EPHX1: variants seen among roughly 807,000 people sequenced by gnomAD.
EPHX1 encodes epoxide hydratase.
Under a neutral mutation model 43.2 loss-of-function variants are expected in EPHX1, and 40 were observed. The observed-to-expected ratio is 0.93, with a 90% CI of 0.72 to 1.21. EPHX1 has a LOEUF of 1.21. Among genes scored for constraint, EPHX1 ranks in the 50% most tolerant of loss-of-function variants. EPHX1 has a pLI of 0.00. For missense variants in EPHX1, 550 were observed against 570.4 expected (o/e 0.96, Z 0.36); for synonymous variants, 221 against 226.7 (o/e 0.98, Z 0.22).
intron 3 of EPHX1, among the ~76,000 whole-genome samples, chr1:225,832,726 T>A (rs376144743): frequency 6.6e-6 from 1 of 152,248 alleles, no homozygotes; most frequent in African/African-American, 2.4e-5. Flanking sequence ...TCCTTTCTTT[T>A]TTTCGGTAAT....
At chr1:225,812,361 G>C (rs1226867092) in intron 1 of EPHX1, among the ~76,000 whole-genome samples, 1 of 152,230 alleles carries the variant, frequency 6.6e-6, no homozygotes. Context: ...CCTCTCAGCT[G>C]TGCCTGAAGC....
chr1:225,845,364 C>T lies in EPHX1; in HGVS notation c.*17C>T, dbSNP rs374252395. ...CGGCAATGACCCACCCCTCTCCCCC[C>T]GCCTGCCACCTCCCCCCACAAGTGC... On this transcript the variant is annotated 3_prime_UTR_variant, in exon 9 of 9. Transcript: ENST00000272167. 348 of 1,563,938 alleles carry T rather than the reference C, an allele frequency of 2.2e-4. 2 individuals carry two copies. In the Middle Eastern group the frequency reaches 3.0e-3, roughly 13 times the overall value.
intron 1 of EPHX1, among the ~76,000 whole-genome samples, chr1:225,812,845 A>T (rs1450284476): frequency 6.6e-6 from 1 of 152,190 alleles, no homozygotes; most frequent in Non-Finnish European, 1.5e-5. Flanking sequence ...GGATAGACAG[A>T]TAGTGATTCG....
At chr1:225,816,818 G>A (rs549140115) in intron 1 of EPHX1, among the ~76,000 whole-genome samples, 2 of 152,322 alleles carry the variant, frequency 1.3e-5, no homozygotes, top group African/African-American at 4.8e-5. Flanking sequence ...ACTGCCCGCG[G>A]GCTGGCTCGG....
At chr1:225,819,112 A>C (rs12094562) in intron 1 of EPHX1, among the ~76,000 whole-genome samples, 1,954 of 22,380 alleles carry the variant, frequency 0.087, 35 homozygotes, top group East Asian at 0.8. Context: ...CTGTAGTCCC[A>C]GCTACTTGGG....
At chr1:225,830,446 G>C (rs1667516093) in intron 2 of EPHX1, among the ~76,000 whole-genome samples, 1 of 152,110 alleles carries the variant, frequency 6.6e-6, no homozygotes. Flanking sequence ...AATGAGACTT[G>C]CACCCTCTCT....
chr1:225,823,874 C>T (rs1424125959), intron 1 of EPHX1, among the ~76,000 whole-genome samples: 1 of 152,218 alleles, frequency 6.6e-6, no homozygotes, highest in African/African-American at 2.4e-5. Context: ...CATGCTTTGT[C>T]GGAGATCTGG....
At chr1:225,834,870 G>A (rs1252050696) in intron 3 of EPHX1, among the ~76,000 whole-genome samples, 1 of 152,190 alleles carries the variant, frequency 6.6e-6, no homozygotes, top group African/African-American at 2.4e-5. Context: ...GGCGCCTGCT[G>A]TACCCAGGCA....
intron 3 of EPHX1, 126 bp from the exon 4 acceptor site, chr1:225,838,528 A>T (rs1668089058): frequency 2.6e-6 from 2 of 768,384 alleles, no homozygotes; most frequent in Admixed American, 2.2e-5. Context: ...TACTGTCAAT[A>T]CCATGAAGGG....
intron 1 of EPHX1, among the ~76,000 whole-genome samples, chr1:225,813,253 T>C (rs1472547843): frequency 6.6e-6 from 1 of 152,120 alleles, no homozygotes; most frequent in Non-Finnish European, 1.5e-5. Context: ...GGCAAAATCT[T>C]AAGAGTTCAA....
chr1:225,840,474 T>C (rs1668307710), intron 6 of EPHX1, among the ~76,000 whole-genome samples: 1 of 152,206 alleles, frequency 6.6e-6, no homozygotes, highest in Non-Finnish European at 1.5e-5. Flanking sequence ...ACCAGGGTCC[T>C]GTTAAAGGAC....
chr1:225,815,254 G>T lies in EPHX1; in HGVS notation c.-6+5085G>T, dbSNP rs1369540909. ...GTCAGGACATCGTTGTTTTTGTCTT[G>T]TTTTTTTTTGAGACAGGGTCTGGCT... On this transcript the variant is annotated intron_variant, in intron 1 of 8. Coordinates refer to ENST00000272167, the MANE Select transcript of EPHX1 (RefSeq NM_001136018.4). Among the ~76,000 whole-genome samples the T allele has an allele frequency of 3.8e-5, 5 of 133,286 alleles. No individual in the cohort carries two copies. The Admixed American group carries it at 3.8e-4, about 10-fold the overall frequency. The allele number at this position is 133,286 out of a possible 152,430, so 87.4% of individuals were successfully genotyped here.
At chr1:225,841,866 A>G (rs1339999334) in intron 6 of EPHX1, among the ~76,000 whole-genome samples, 2 of 152,110 alleles carry the variant, frequency 1.3e-5, no homozygotes, top group Non-Finnish European at 2.9e-5. Flanking sequence ...ACCCTCCCAA[A>G]GTGCTGGGAT....
chr1:225,836,764 G>T (rs12118879), intron 3 of EPHX1, among the ~76,000 whole-genome samples: 2,770 of 152,314 alleles, frequency 0.018, 37 homozygotes, highest in Non-Finnish European at 0.028. Context: ...GAGAGGAGAA[G>T]GGTGGTTGTC....
intron 1 of EPHX1, among the ~76,000 whole-genome samples, chr1:225,818,395 C>T (rs1373911017): frequency 6.6e-6 from 1 of 152,088 alleles, no homozygotes; most frequent in Non-Finnish European, 1.5e-5. Context: ...GTGAGCTCGA[C>T]GAAGGCTAGG....
At chr1:225,835,294 T>C (rs1667887519) in intron 3 of EPHX1, among the ~76,000 whole-genome samples, 1 of 151,570 alleles carries the variant, frequency 6.6e-6, no homozygotes, top group East Asian at 1.9e-4. Context: ...TCACAGTTCA[T>C]TGCAGCCTCA....
intron 1 of EPHX1, among the ~76,000 whole-genome samples, chr1:225,816,199 A>T (rs898225607): frequency 6.6e-6 from 1 of 152,204 alleles, no homozygotes; most frequent in Non-Finnish European, 1.5e-5. Flanking sequence ...AGGCTGAGGC[A>T]TGAGAATTGC....
At chr1:225,831,021 A>G (rs777121896) in intron 2 of EPHX1, among the ~76,000 whole-genome samples, 48 of 152,254 alleles carry the variant, frequency 3.2e-4, no homozygotes, top group Admixed American at 5.2e-4. Context: ...AGCCACCCCC[A>G]TTCATCTGTG....
chr1:225,831,815 C>T lies in EPHX1; in HGVS notation c.220C>T (p.Pro74Ser), dbSNP rs781476194. ...GAGGATCGATAAGTTCCGTTTCACC[C>T]CACCTTTGGAGGACAGCTGCTTCCA... ...HQRIDKFRFTPPLEDSCFHYG... is the reference protein window; with the variant it reads ...HQRIDKFRFTSPLEDSCFHYG... The change falls in exon 3 of 9, where the codon CCA becomes TCA. Residue 74 changes from proline (P) to serine (S), a missense_variant. Physicochemically the swap from Pro to Ser is moderately conservative, Grantham distance 74. Coordinates refer to ENST00000272167, the MANE Select transcript of EPHX1 (RefSeq NM_001136018.4). 1.1e-5 allele frequency: 17 copies of T among 1,614,044 alleles called. No homozygotes were observed. Among genetic ancestry groups the T allele is most frequent in the Admixed American group, 1.7e-5 (1 of 59,992 alleles).
Sources: gnomAD v4.1 joint callset for allele counts (sites outside exome capture counted in the v4.1 genomes callset) on GRCh38, gnomAD v4.1.1 for gene constraint, MANE v1.5 for transcripts, NCBI Gene and HGNC (gene_info 2026-07-23, HGNC 2026-07-21) for gene names.